The following TEX14 variants were observed in gnomAD, a reference collection of about 807,000 sequenced individuals.
The protein encoded by TEX14 is inactive serine/threonine-protein kinase TEX14.
TEX14 carries 168 observed loss-of-function variants against 178.6 expected under a neutral mutation model. That is an observed-to-expected ratio of 0.94 (90% CI 0.83 to 1.07). TEX14 has a LOEUF of 1.07. TEX14 is among the 50% of genes least tolerant of loss of function. TEX14 has a pLI of 0.00. For synonymous variants in TEX14, 626 were observed against 634.1 expected, an observed-to-expected ratio of 0.99 and a Z score of 0.19; for missense variants, 1,730 against 1,753.6, an observed-to-expected ratio of 0.99 and a Z score of 0.24.
Position 58,622,917 on chromosome 17 carries a change from C to T in TEX14, c.347G>A (p.Arg116Gln), listed in dbSNP as rs777634465. 3 of 1,613,360 alleles carry T rather than the reference C, an allele frequency of 1.9e-6. No homozygotes were observed. Among genetic ancestry groups the T allele is most frequent in the South Asian group, 1.1e-5 (1 of 91,060 alleles). The change falls in exon 4 of 32, where the codon CGA becomes CAA. Residue 116 changes from arginine to glutamine, a missense_variant. Transcript: ENST00000349033. The part of the protein sequence containing the change: ...SKLLDAGGDL[R>Q]LHDERGQNPK... ...GTTTTGACCCCTCTCATCGTGGAGTCGCAGGTCACCTCCTGCATCCAGCAG... is the reference window on the plus strand; with the variant it reads ...GTTTTGACCCCTCTCATCGTGGAGTTGCAGGTCACCTCCTGCATCCAGCAG...
At chr17:58,580,500 C>T (rs1265036098) in intron 19 of TEX14, among the ~76,000 whole-genome samples, 13 of 152,170 alleles carry the variant, frequency 8.5e-5, no homozygotes, top group Admixed American at 3.9e-4. Context: ...TTAGTAGAGA[C>T]GAGGTTTCAC....
chr17:58,607,113 T>A (rs2045627870), intron 10 of TEX14, among the ~76,000 whole-genome samples: 2 of 151,716 alleles, frequency 1.3e-5, no homozygotes. Context: ...GACAATGACA[T>A]TCAACAAACT....
intron 21 of TEX14, 45 bp from the exon 22 acceptor site, chr17:58,574,294 A>G: frequency 6.9e-7 from 1 of 1,439,188 alleles, no homozygotes; most frequent in South Asian, 1.1e-5. Context: ...CCCTCTGTGA[A>G]CAAAGTACAC....
At chr17:58,649,011 T>C (rs1451428106) in intron 2 of TEX14, among the ~76,000 whole-genome samples, 2 of 150,762 alleles carry the variant, frequency 1.3e-5, no homozygotes, top group African/African-American at 4.9e-5. Context: ...TCTCCTGACC[T>C]CGTGATCCGC....
At chr17:58,665,571 A>C (rs1365730498) in intron 1 of TEX14, among the ~76,000 whole-genome samples, 1 of 148,914 alleles carries the variant, frequency 6.7e-6, no homozygotes, top group African/African-American at 2.5e-5. Flanking sequence ...ACTCCAGCCT[A>C]GGCAACAGGG....
intron 2 of TEX14, among the ~76,000 whole-genome samples, chr17:58,636,256 A>G (rs558687954): frequency 9.1e-4 from 139 of 152,338 alleles, no homozygotes; most frequent in African/African-American, 3.1e-3. Context: ...TGTGGCTGCT[A>G]TAAAGGTAAC....
intron 1 of TEX14, among the ~76,000 whole-genome samples, chr17:58,656,982 T>A (rs1332002401): frequency 6.6e-6 from 1 of 151,520 alleles, no homozygotes; most frequent in Non-Finnish European, 1.5e-5. Context: ...TTATTTATTT[T>A]AATGTTTTTA....
At chr17:58,617,787 TG>T (rs2045906813) in intron 5 of TEX14, among the ~76,000 whole-genome samples, 168 bp from the exon 6 acceptor site, 1 of 152,240 alleles carries the variant, frequency 6.6e-6, no homozygotes, top group South Asian at 2.1e-4. Context: ...AGGGCCTCTA[TG>T]ATTCTCACTT....
At chr17:58,631,673 G>C (rs411988) in intron 2 of TEX14, 3 of 150,664 alleles carry the variant, frequency 2.0e-5, no homozygotes, top group African/African-American at 4.9e-5. Context: ...GAGAAGAACG[G>C]TCACCAACAG....
intron 1 of TEX14, 66 bp from the exon 2 acceptor site, chr17:58,652,068 C>T: frequency 4.5e-6 from 6 of 1,344,516 alleles, no homozygotes; most frequent in Non-Finnish European, 5.9e-6. Context: ...CAACTTAATT[C>T]TTTTACATTT....
At chr17:58,689,151 A>G (rs2047650678) in intron 1 of TEX14, among the ~76,000 whole-genome samples, 1 of 151,836 alleles carries the variant, frequency 6.6e-6, no homozygotes, top group African/African-American at 2.4e-5. Flanking sequence ...AGGATAGTCT[A>G]TCTCCTGATC....
chr17:58,657,359 C>G (rs1278471193), intron 1 of TEX14, among the ~76,000 whole-genome samples: 4 of 152,028 alleles, frequency 2.6e-5, no homozygotes, highest in Non-Finnish European at 5.9e-5. Context: ...GAAGGAATCA[C>G]TAGCAGAAGC....
At chr17:58,603,610 T>C (rs2045526629) in intron 11 of TEX14, among the ~76,000 whole-genome samples, 1 of 146,688 alleles carries the variant, frequency 6.8e-6, no homozygotes, top group South Asian at 2.2e-4. Flanking sequence ...ATCCCAGCAC[T>C]TTAGGAGGCT....
intron 1 of TEX14, among the ~76,000 whole-genome samples, chr17:58,666,162 GT>G (rs1176843165): frequency 6.6e-6 from 1 of 151,954 alleles, no homozygotes; most frequent in African/African-American, 2.4e-5. Flanking sequence ...TGCCAACATG[GT>G]AAGACGCCAT....
intron 5 of TEX14, 144 bp downstream of exon 5, chr17:58,621,506 T>C (rs2045995865): frequency 1.2e-6 from 1 of 801,624 alleles, no homozygotes; most frequent in Non-Finnish European, 1.9e-6. Context: ...AGGCCAAGCC[T>C]TTTCTTTCCA....
intron 17 of TEX14, 68 bp downstream of exon 17, chr17:58,587,513 T>C: frequency 1.0e-6 from 1 of 987,888 alleles, no homozygotes. Flanking sequence ...TACTTAGAAA[T>C]ATCAACCACA....
At chr17:58,634,541 T>A (rs2046391462) in intron 2 of TEX14, among the ~76,000 whole-genome samples, 1 of 152,210 alleles carries the variant, frequency 6.6e-6, no homozygotes, top group Admixed American at 6.5e-5. Context: ...CTATGTCCTC[T>A]ACCAGACTGT....
intron 1 of TEX14, among the ~76,000 whole-genome samples, chr17:58,684,681 A>C (rs989754297): frequency 2.7e-5 from 4 of 147,026 alleles, no homozygotes; most frequent in Non-Finnish European, 6.0e-5. Context: ...AAATAAATAA[A>C]AAGCTTTCTT....
intron 2 of TEX14, among the ~76,000 whole-genome samples, chr17:58,636,739 C>A (rs141196122): frequency 1.3e-5 from 2 of 152,072 alleles, no homozygotes; most frequent in East Asian, 3.9e-4. Flanking sequence ...ATGGTGAAAC[C>A]CTGTCTCTAC....
Sources: allele counts gnomAD v4.1 joint callset (sites outside exome capture counted in the v4.1 genomes callset), GRCh38; gene constraint gnomAD v4.1.1; transcripts MANE v1.5; gene names NCBI Gene and HGNC (gene_info 2026-07-23, HGNC 2026-07-21).